AFF3: variants seen among roughly 807,000 people sequenced by gnomAD.
AFF3 encodes the protein AF4/FMR2 family member 3.
AFF3 carries 32 observed loss-of-function variants against 129.7 expected under a neutral mutation model. The observed-to-expected ratio is 0.25, with a 90% CI of 0.19 to 0.33. The LOEUF is 0.33. Ranked by LOEUF, AFF3 falls within the 10% of genes least tolerant of loss-of-function variation. The pLI, the probability that AFF3 is intolerant of heterozygous loss-of-function variation, is 1.00. For synonymous variants in AFF3, 644 were observed against 635.4 expected (o/e 1.01, Z -0.20); for missense variants, 1,373 against 1,592.0 (o/e 0.86, Z 2.34).
At position 99,911,037 on chromosome 2, in the gene AFF3, T is replaced by C. The variant is rs145338404; in HGVS notation, c.874-73513A>G. 7.9e-3 allele frequency among the ~76,000 whole-genome samples: 1,200 copies of C among 152,294 alleles called. 21 individuals carry two copies. The highest frequency in any genetic ancestry group is 0.027 in the African/African-American group (1,130 of 41,566). The stretch of plus-strand genomic sequence containing the variant: ...TTTTACATAAATGCTAAGGAAGGCA[T>C]AAAAAATGCTTCTGATTTGCGCACA... On this transcript the variant is annotated intron_variant, in intron 7 of 24. Transcript: ENST00000672756.
intron 18 of AFF3, among the ~76,000 whole-genome samples, chr2:99,569,376 TAG>T (rs1171805006): frequency 6.6e-6 from 1 of 152,236 alleles, no homozygotes; most frequent in Non-Finnish European, 1.5e-5. Flanking sequence ...ATCTAGTACC[TAG>T]AGTTTTATGT....
Position 100,135,104 on chromosome 2 carries a change from A to G in AFF3, c.-227-5798T>C, listed in dbSNP as rs541397626. Among the ~76,000 whole-genome samples the G allele has an allele frequency of 6.6e-5, 10 of 152,346 alleles. No individual in the cohort carries two copies. In the South Asian group the frequency reaches 1.9e-3, roughly 28 times the overall value. On this transcript the variant is annotated intron_variant, in intron 1 of 24. Coordinates refer to ENST00000672756, the MANE Select transcript of AFF3 (RefSeq NM_001386135.1). ...CTCTACTGGAGCAGTACCACAAATA[A>G]GGGAGAGAGCACCAGAACAGTTCAG...
chr2:100,132,026 C>T (rs913465612), intron 1 of AFF3, among the ~76,000 whole-genome samples: 2 of 152,202 alleles, frequency 1.3e-5, no homozygotes, highest in Non-Finnish European at 1.5e-5. Context: ...CACACTCCAC[C>T]TCCTTTGGCA....
intron 11 of AFF3, among the ~76,000 whole-genome samples, chr2:99,678,270 CTGTG>C (rs1371001844): frequency 1.3e-5 from 2 of 152,138 alleles, no homozygotes; most frequent in East Asian, 3.9e-4. Flanking sequence ...CATAACTTCC[CTGTG>C]TGTATTGTTT....
intron 13 of AFF3, among the ~76,000 whole-genome samples, chr2:99,639,308 C>T (rs576342221): frequency 2.6e-5 from 4 of 152,242 alleles, no homozygotes; most frequent in East Asian, 3.9e-4. Flanking sequence ...TTTTTAGACC[C>T]GACAGCCTGC....
chr2:99,934,985 C>A (rs939677091), intron 7 of AFF3, among the ~76,000 whole-genome samples: 1 of 152,220 alleles, frequency 6.6e-6, no homozygotes, highest in African/African-American at 2.4e-5. Flanking sequence ...TCTGAACCTA[C>A]ATTTGACTGT....
intron 7 of AFF3, among the ~76,000 whole-genome samples, chr2:99,953,333 C>T (rs1432282819): frequency 2.0e-5 from 3 of 152,134 alleles, no homozygotes; most frequent in Admixed American, 2.0e-4. Context: ...ACACCTTAAT[C>T]CACAAGTTCT....
intron 15 of AFF3, among the ~76,000 whole-genome samples, chr2:99,592,449 G>A (rs1678780383): frequency 6.6e-6 from 1 of 152,168 alleles, no homozygotes; most frequent in Admixed American, 6.5e-5. Context: ...AACTTCATGA[G>A]GCCACTGGCC....
At chr2:99,974,329 C>G (rs575875664) in intron 7 of AFF3, among the ~76,000 whole-genome samples, 78 of 152,282 alleles carry the variant, frequency 5.1e-4, no homozygotes, top group African/African-American at 1.9e-3. Context: ...TGCCTGGTGA[C>G]TTCCTACAAT....
intron 4 of AFF3, among the ~76,000 whole-genome samples, chr2:100,076,365 C>A (rs1315655243): frequency 5.9e-5 from 9 of 152,188 alleles, no homozygotes; most frequent in Admixed American, 5.9e-4. Flanking sequence ...GGAATTTCTT[C>A]CCCACAGAGG....
Position 99,578,417 on chromosome 2 carries a change from A to C in AFF3, c.2828T>G (p.Leu943Arg), listed in dbSNP as rs1461772156. Reference protein sequence around the residue: ...AAHNNSENIPLHKSRPQTKPW... With the variant: ...AAHNNSENIPRHKSRPQTKPW... ...CTTCGTCTGCGGCCGTGACTTGTGG[A>C]GGGGAATGTTTTCAGAATTGTTGTG... Residue 943 changes from leucine to arginine, a missense_variant, in exon 18 of 25, where the codon CTC becomes CGC. Physicochemically the swap from Leu to Arg is moderately radical, Grantham distance 102 (BLOSUM62 -2). Around this residue, in one of 9 missense-constraint regions of AFF3, gnomAD observed 466 missense variants for 505.0 expected, o/e 0.92. Coordinates refer to ENST00000672756, the MANE Select transcript of AFF3 (RefSeq NM_001386135.1). 10 of 1,611,288 alleles carry C rather than the reference A, an allele frequency of 6.2e-6. No homozygotes were observed. Among genetic ancestry groups the C allele is most frequent in the Non-Finnish European group, 8.5e-6 (10 of 1,179,102 alleles).
intron 1 of AFF3, among the ~76,000 whole-genome samples, chr2:100,135,690 T>A (rs1692612460): frequency 6.6e-6 from 1 of 152,168 alleles, no homozygotes; most frequent in Non-Finnish European, 1.5e-5. Context: ...GGTAGTTGGT[T>A]ATGCGGCAAG....
At chr2:99,705,018 C>T (rs1677221443) in intron 11 of AFF3, among the ~76,000 whole-genome samples, 1 of 152,174 alleles carries the variant, frequency 6.6e-6, no homozygotes, top group Non-Finnish European at 1.5e-5. Flanking sequence ...AAAACAGACC[C>T]AAGGCTGAAC....
intron 13 of AFF3, among the ~76,000 whole-genome samples, chr2:99,635,117 T>C (rs1350313831): frequency 6.6e-6 from 1 of 151,280 alleles, no homozygotes; most frequent in Non-Finnish European, 1.5e-5. Context: ...TATATACACA[T>C]ATCTCTAGGT....
intron 7 of AFF3, among the ~76,000 whole-genome samples, chr2:99,878,512 C>T (rs1692466146): frequency 6.6e-6 from 1 of 152,100 alleles, no homozygotes. Flanking sequence ...TACTTTATAA[C>T]AAGTAGATTT....
intron 8 of AFF3, among the ~76,000 whole-genome samples, chr2:99,790,934 A>G (rs1271800734): frequency 6.6e-6 from 1 of 152,280 alleles, no homozygotes; most frequent in Non-Finnish European, 1.5e-5. Flanking sequence ...TAAAGAAATT[A>G]TGATATACCC....
rs973883916 is a variant in AFF3 at position 99,600,568 on chromosome 2, C to T, written c.1371+867G>A. Among the ~76,000 whole-genome samples, 3 of 152,076 alleles carry T rather than the reference C, an allele frequency of 2.0e-5. No individual in the cohort carries two copies. In the South Asian group the frequency reaches 6.2e-4, roughly 32 times the overall value. ...TCAGAGCCTATTTAGGAATATGGCC[C>T]CCCCAAATGGTACAGAGGGCTGTAA... On this transcript the variant is annotated intron_variant, in intron 14 of 24. Coordinates refer to ENST00000672756, the MANE Select transcript of AFF3 (RefSeq NM_001386135.1).
intron 8 of AFF3, among the ~76,000 whole-genome samples, chr2:99,787,811 G>A (rs979117710): frequency 5.3e-5 from 8 of 152,164 alleles, no homozygotes; most frequent in African/African-American, 1.7e-4. Flanking sequence ...GGGAGATCTG[G>A]GGCTGGCCAT....
rs139991880 is a variant in AFF3, at chr2:99,645,398, T to A, written c.1184+4228A>T. On this transcript the variant is annotated intron_variant, in intron 13 of 24. Transcript: ENST00000672756. ...GCCATCTCTTCTTGCCCTGTTTGTCTGCTTTTTTCATTTCTGGGGGACATA... is the reference window on the plus strand; with the variant it reads ...GCCATCTCTTCTTGCCCTGTTTGTCAGCTTTTTTCATTTCTGGGGGACATA... 3.4e-3 allele frequency among the ~76,000 whole-genome samples: 518 copies of A among 152,298 alleles called. 7 individuals carry two copies. The highest frequency in any genetic ancestry group is 0.017 in the Middle Eastern group (5 of 294).
Sources: allele counts gnomAD v4.1 joint callset (sites outside exome capture counted in the v4.1 genomes callset), GRCh38; gene constraint gnomAD v4.1.1; regional missense constraint gnomAD v4.1.1; transcripts MANE v1.5; gene names NCBI Gene and HGNC (gene_info 2026-07-23, HGNC 2026-07-21).